The following CENPP variants were observed in gnomAD, a reference collection of about 807,000 sequenced individuals.
The protein encoded by CENPP is centromere protein P.
CENPP carries 24 observed loss-of-function variants against 35.6 expected under a neutral mutation model. That is an observed-to-expected ratio of 0.67 (90% CI 0.49 to 0.95). The LOEUF is 0.95. Ranked by LOEUF, CENPP falls within the 40% of genes least tolerant of loss-of-function variation. The probability of loss-of-function intolerance (pLI) is 0.00; values close to 1 mark genes in which losing one functional copy is unlikely to be tolerated. For missense variants in CENPP, 332 were observed against 345.3 expected (o/e 0.96, Z 0.31); for synonymous variants, 120 against 125.5 (o/e 0.96, Z 0.29).
At chr9:92,374,584 T>C (rs908373556) in intron 4 of CENPP, among the ~76,000 whole-genome samples, 1 of 152,208 alleles carries the variant, frequency 6.6e-6, no homozygotes, top group African/African-American at 2.4e-5. Context: ...CTTTAATAAT[T>C]TGCAAAAACT....
intron 5 of CENPP, chr9:92,611,013 C>T (rs1411077321): frequency 2.2e-6 from 1 of 460,308 alleles, no homozygotes; most frequent in African/African-American, 2.0e-5. Flanking sequence ...ACCAAGGAGC[C>T]ATCCCAGATG....
At chr9:92,466,352 A>G in intron 5 of CENPP, 1 of 1,568,484 alleles carries the variant, frequency 6.4e-7, no homozygotes. Context: ...CATTTGAAAA[A>G]CTTACCCAAA....
intron 5 of CENPP, chr9:92,386,233 A>G: frequency 3.7e-6 from 6 of 1,613,296 alleles, no homozygotes; most frequent in Non-Finnish European, 4.2e-6. Context: ...CTTTCTGGTA[A>G]ATTAAGAGGC....
At chr9:92,612,917 G>A (rs1851309921) in intron 7 of CENPP, 102 bp from the exon 8 acceptor site, 40 of 1,374,896 alleles carry the variant, frequency 2.9e-5, no homozygotes, top group Non-Finnish European at 4.1e-5. Flanking sequence ...GCAGCTAGTC[G>A]GGAGGAGTGC....
chr9:92,533,249 G>A (rs1407010772), intron 5 of CENPP, among the ~76,000 whole-genome samples: 8 of 131,436 alleles, frequency 6.1e-5, no homozygotes, highest in Non-Finnish European at 4.7e-5. Flanking sequence ...GCAGTGAGCC[G>A]AGATCACACC....
At chr9:92,479,368 C>T (rs979032159) in intron 5 of CENPP, among the ~76,000 whole-genome samples, 2 of 152,188 alleles carry the variant, frequency 1.3e-5, no homozygotes, top group Non-Finnish European at 2.9e-5. Flanking sequence ...CTTCTGCCTG[C>T]AAGTTTTAGG....
intron 5 of CENPP, among the ~76,000 whole-genome samples, chr9:92,580,123 G>A (rs1850384643): frequency 6.6e-6 from 1 of 152,040 alleles, no homozygotes; most frequent in Non-Finnish European, 1.5e-5. Flanking sequence ...TGCTTGTATT[G>A]AACCAGCCTT....
intron 5 of CENPP, among the ~76,000 whole-genome samples, chr9:92,485,622 G>A (rs1252129744): frequency 6.6e-6 from 1 of 152,162 alleles, no homozygotes; most frequent in Non-Finnish European, 1.5e-5. Flanking sequence ...GACAACAGTG[G>A]TCAAAGTCCA....
chr9:92,405,387 T>C (rs1843277174), intron 5 of CENPP, among the ~76,000 whole-genome samples: 1 of 152,132 alleles, frequency 6.6e-6, no homozygotes. Context: ...TATGGATATA[T>C]ATTTTATTAA....
intron 4 of CENPP, among the ~76,000 whole-genome samples, chr9:92,365,029 C>T (rs1295046257): frequency 1.3e-5 from 2 of 152,186 alleles, no homozygotes; most frequent in Admixed American, 6.6e-5. Context: ...CCAGCAGTTA[C>T]GTGTTGCCTG....
At chr9:92,368,035 C>T (rs1349885852) in intron 4 of CENPP, among the ~76,000 whole-genome samples, 2 of 152,144 alleles carry the variant, frequency 1.3e-5, no homozygotes, top group African/African-American at 2.4e-5. Flanking sequence ...ACACTGCATA[C>T]ATTATTTTTT....
intron 5 of CENPP, among the ~76,000 whole-genome samples, chr9:92,509,471 G>A (rs1336710395): frequency 6.6e-6 from 1 of 152,188 alleles, no homozygotes. Flanking sequence ...AGTTGTGGGT[G>A]GGGTCTGTTG....
At chr9:92,575,964 A>T (rs1446498626) in intron 5 of CENPP, among the ~76,000 whole-genome samples, 2 of 152,188 alleles carry the variant, frequency 1.3e-5, no homozygotes, top group Non-Finnish European at 2.9e-5. Context: ...TAAGAAAATT[A>T]AAAATAGAAT....
At chr9:92,470,273 G>T (rs1845463813) in intron 5 of CENPP, among the ~76,000 whole-genome samples, 1 of 152,188 alleles carries the variant, frequency 6.6e-6, no homozygotes, top group African/African-American at 2.4e-5. Flanking sequence ...GATATATTCT[G>T]TGTGCTGCTG....
At chr9:92,473,002 T>G (rs1323450016) in intron 5 of CENPP, among the ~76,000 whole-genome samples, 3 of 152,084 alleles carry the variant, frequency 2.0e-5, no homozygotes, top group Non-Finnish European at 4.4e-5. Flanking sequence ...CTTTTTATGG[T>G]CACGTTTTGG....
intron 4 of CENPP, among the ~76,000 whole-genome samples, chr9:92,361,439 CCTTATTTTAT>C: frequency 7.5e-6 from 1 of 132,832 alleles, no homozygotes; most frequent in Non-Finnish European, 1.6e-5. Context: ...CCGTACCTGG[CCTTATTTTAT>C]TTTATTTTAT....
intron 3 of CENPP, 118 bp downstream of exon 3, chr9:92,337,747 C>T (rs1276445514): frequency 1.4e-6 from 1 of 723,068 alleles, no homozygotes; most frequent in African/African-American, 1.8e-5. Context: ...CAGGGCCCCC[C>T]CATTCATAGC....
chr9:92,535,609 A>G (rs1849120515), intron 5 of CENPP, among the ~76,000 whole-genome samples: 1 of 152,134 alleles, frequency 6.6e-6, no homozygotes, highest in Non-Finnish European at 1.5e-5. Context: ...CATTCAACAG[A>G]TTTAAAATGA....
At chr9:92,600,403 C>T (rs1442725897) in intron 5 of CENPP, 26 of 1,609,400 alleles carry the variant, frequency 1.6e-5, no homozygotes, top group Non-Finnish European at 2.0e-5. Context: ...TCTCTTTCAA[C>T]TCTGGGTTTC....
Sources: gnomAD v4.1 joint callset for allele counts (sites outside exome capture counted in the v4.1 genomes callset) on GRCh38, gnomAD v4.1.1 for gene constraint, MANE v1.5 for transcripts, NCBI Gene and HGNC (gene_info 2026-07-23, HGNC 2026-07-21) for gene names.